Variants in KCNB2 observed in about 807,000 individuals in gnomAD.
The protein encoded by KCNB2 is delayed rectifier potassium channel protein.
In KCNB2, 15 loss-of-function variants were observed where a neutral mutation model predicts 61.5. The ratio of observed to expected loss-of-function variants is 0.24; its 90% CI spans 0.16 to 0.38. The LOEUF is 0.38. KCNB2 is among the 10% of genes least tolerant of loss of function. The pLI is 1.00. For synonymous variants in KCNB2, 457 were observed against 446.0 expected (o/e 1.02, Z -0.31); for missense variants, 828 against 1,125.2 (o/e 0.74, Z 3.78).
At chr8:72,587,126 A>G (rs1162984440) in intron 2 of KCNB2, among the ~76,000 whole-genome samples, 1 of 152,152 alleles carries the variant, frequency 6.6e-6, no homozygotes, top group Non-Finnish European at 1.5e-5. Context: ...TATAGACTGG[A>G]TAGTGCAGAA....
intron 2 of KCNB2, among the ~76,000 whole-genome samples, chr8:72,863,865 G>A (rs966423963): frequency 6.6e-6 from 1 of 152,180 alleles, no homozygotes; most frequent in East Asian, 1.9e-4. Flanking sequence ...ATAGCCAGGT[G>A]TGGTGGCATG....
At chr8:72,661,876 TAC>T (rs1187866905) in intron 2 of KCNB2, among the ~76,000 whole-genome samples, 1 of 152,200 alleles carries the variant, frequency 6.6e-6, no homozygotes, top group Non-Finnish European at 1.5e-5. Flanking sequence ...CCTGGAGACT[TAC>T]AGTCTTTTAT....
At chr8:72,680,240 G>T (rs1013151731) in intron 2 of KCNB2, among the ~76,000 whole-genome samples, 2 of 152,200 alleles carry the variant, frequency 1.3e-5, no homozygotes, top group Admixed American at 6.5e-5. Context: ...GGAAGGCATG[G>T]GTGGAAGTGT....
chr8:72,671,287 G>T (rs373591907), intron 2 of KCNB2, among the ~76,000 whole-genome samples: 3 of 152,136 alleles, frequency 2.0e-5, no homozygotes, highest in Non-Finnish European at 4.4e-5. Context: ...GATTGTAGAT[G>T]TACAAATACT....
chr8:72,618,564 T>A (rs1454447690), intron 2 of KCNB2, among the ~76,000 whole-genome samples: 1 of 152,216 alleles, frequency 6.6e-6, no homozygotes, highest in South Asian at 2.1e-4. Context: ...GAAACTGCTA[T>A]ACACAACAAG....
chr8:72,829,411 G>A lies in KCNB2; in HGVS notation c.580-106524G>A, dbSNP rs1211351693. On this transcript the variant is annotated intron_variant, in intron 2 of 2. Transcript: ENST00000523207. ...GAATGGAAATCTACTAATATTGTCA[G>A]AAAGTTGTTCTTTGATTCAGTGATA... 7.2e-5 allele frequency among the ~76,000 whole-genome samples: 11 copies of A among 152,192 alleles called. No homozygotes were observed. In the East Asian group the frequency reaches 1.9e-3, roughly 27 times the overall value.
At chr8:72,561,760 T>TACAC (rs1332348155) in intron 1 of KCNB2, among the ~76,000 whole-genome samples, 1,181 of 25,920 alleles carry the variant, frequency 0.046, 191 homozygotes, top group African/African-American at 0.14. Flanking sequence ...TATATATATA[T>TACAC]GGATATATAT....
chr8:72,704,951 T>C (rs1807195672), intron 2 of KCNB2, among the ~76,000 whole-genome samples: 3 of 70,432 alleles, frequency 4.3e-5, no homozygotes, highest in African/African-American at 3.9e-4. Flanking sequence ...TTTTTTAATT[T>C]AATTTTTTAT....
intron 2 of KCNB2, among the ~76,000 whole-genome samples, chr8:72,695,150 G>C (rs1165987623): frequency 2.0e-5 from 3 of 152,138 alleles, no homozygotes; most frequent in Non-Finnish European, 4.4e-5. Flanking sequence ...GTAAAGAACA[G>C]TGTTTGGCAT....
At chr8:72,558,663 C>G (rs376338302) in intron 1 of KCNB2, among the ~76,000 whole-genome samples, 1 of 152,110 alleles carries the variant, frequency 6.6e-6, no homozygotes, top group Non-Finnish European at 1.5e-5. Flanking sequence ...ATTTATTGCA[C>G]GTCACTTGGG....
At chr8:72,589,402 T>C (rs567842133) in intron 2 of KCNB2, among the ~76,000 whole-genome samples, 3 of 152,320 alleles carry the variant, frequency 2.0e-5, no homozygotes, top group East Asian at 1.9e-4. Context: ...TTTCAGCATA[T>C]GCTCTCCTGT....
In KCNB2 at chr8:72,868,587, C is replaced by T. The variant is rs543635345; in HGVS notation, c.580-67348C>T. ...GCAAGACACTGTCTCAAAAACAAAA[C>T]AAACAAAAAAAACCCCAAAACAAAC... On this transcript the variant is annotated intron_variant, in intron 2 of 2. Transcript: ENST00000523207. Among the ~76,000 whole-genome samples, 11 of 151,540 alleles carry T rather than the reference C, an allele frequency of 7.3e-5. No individual in the cohort carries two copies. In the South Asian group the frequency reaches 1.9e-3, roughly 26 times the overall value.
intron 2 of KCNB2, among the ~76,000 whole-genome samples, chr8:72,840,095 G>A (rs1809855136): frequency 6.6e-6 from 1 of 151,962 alleles, no homozygotes; most frequent in Admixed American, 6.6e-5. Flanking sequence ...GGTGTGTGAT[G>A]TTCCCCTCCC....
At chr8:72,845,988 G>GA (rs398112603) in intron 2 of KCNB2, among the ~76,000 whole-genome samples, 86,862 of 143,530 alleles carry the variant, frequency 0.61, 26,192 homozygotes, top group Middle Eastern at 0.78. Context: ...ACTGGGGTAT[G>GA]AAAAAAAAAA....
rs1279345672 is a variant in KCNB2, at chr8:72,630,928, A to G, written c.579+62615A>G. On this transcript the variant is annotated intron_variant, in intron 2 of 2. Coordinates refer to ENST00000523207, the MANE Select transcript of KCNB2 (RefSeq NM_004770.3). ...TCACAAAGTGCAATAGGCGCCCCTT[A>G]TCTACAGGGGATACGTTCCAAGCCC... 1.3e-5 allele frequency among the ~76,000 whole-genome samples: 2 copies of G among 152,298 alleles called. 1 individual carries two copies. The highest frequency in any genetic ancestry group is 1.3e-4 in the Admixed American group (2 of 15,298).
At chr8:72,668,270 C>T (rs961629744) in intron 2 of KCNB2, among the ~76,000 whole-genome samples, 1 of 152,306 alleles carries the variant, frequency 6.6e-6, no homozygotes, top group South Asian at 2.1e-4. Flanking sequence ...AGGCATGAAG[C>T]ACCCATGTAG....
chr8:72,611,499 G>A (rs913883830), intron 2 of KCNB2, among the ~76,000 whole-genome samples: 1 of 152,128 alleles, frequency 6.6e-6, no homozygotes, highest in Non-Finnish European at 1.5e-5. Flanking sequence ...CACCTATGAT[G>A]TTTGTATCTT....
At chr8:72,810,249 G>C (rs771258185) in intron 2 of KCNB2, among the ~76,000 whole-genome samples, 11 of 152,226 alleles carry the variant, frequency 7.2e-5, no homozygotes, top group Admixed American at 7.2e-4. Context: ...GGACAGAAAG[G>C]CTGCAAGGTT....
chr8:72,668,543 C>T (rs187257190), intron 2 of KCNB2, among the ~76,000 whole-genome samples: 69 of 152,222 alleles, frequency 4.5e-4, no homozygotes, highest in Admixed American at 8.5e-4. Context: ...ACTCACCAGC[C>T]GGCAGTTCCT....
Sources: gnomAD v4.1 joint callset for allele counts (sites outside exome capture counted in the v4.1 genomes callset) on GRCh38, gnomAD v4.1.1 for gene constraint, MANE v1.5 for transcripts, NCBI Gene and HGNC (gene_info 2026-07-23, HGNC 2026-07-21) for gene names.